GPC5: variants seen among roughly 807,000 people sequenced by gnomAD.
GPC5 encodes the protein glypican 5.
GPC5 carries 47 observed loss-of-function variants against 53.9 expected under a neutral mutation model. The observed-to-expected ratio is 0.87, with a 90% CI of 0.69 to 1.11. GPC5 has a LOEUF of 1.11. GPC5 is among the 50% of genes most tolerant of loss of function. The probability of loss-of-function intolerance (pLI) is 0.00; values close to 1 mark genes in which losing one functional copy is unlikely to be tolerated. For synonymous variants in GPC5, 286 were observed against 263.3 expected (o/e 1.09, Z -0.84); for missense variants, 748 against 713.1 (o/e 1.05, Z -0.56).
intron 2 of GPC5, among the ~76,000 whole-genome samples, chr13:91,476,295 A>G (rs1594137598): frequency 6.6e-6 from 1 of 152,172 alleles, no homozygotes; most frequent in Non-Finnish European, 1.5e-5. Context: ...CAGTTGACCT[A>G]TCTTGTGCTG....
At chr13:92,163,028 T>C (rs569438419) in intron 7 of GPC5, among the ~76,000 whole-genome samples, 4 of 152,212 alleles carry the variant, frequency 2.6e-5, no homozygotes, top group African/African-American at 9.6e-5. Flanking sequence ...TCAAATATAC[T>C]GCATGAAAAA....
At chr13:92,704,163 A>C (rs1270647006) in intron 7 of GPC5, among the ~76,000 whole-genome samples, 2 of 152,194 alleles carry the variant, frequency 1.3e-5, no homozygotes, top group East Asian at 3.9e-4. Flanking sequence ...CAAGAGAACA[A>C]TGCTTTGCTT....
chr13:91,607,405 A>G (rs1158778901), intron 2 of GPC5, among the ~76,000 whole-genome samples: 2 of 152,134 alleles, frequency 1.3e-5, no homozygotes, highest in Non-Finnish European at 2.9e-5. Context: ...ATGCTTTTAC[A>G]CTTGGAGACG....
intron 6 of GPC5, among the ~76,000 whole-genome samples, chr13:92,033,036 C>CGTGTGTGTGTGT (rs60958496): frequency 0.016 from 2,223 of 139,024 alleles, 46 homozygotes; most frequent in African/African-American, 0.038. Flanking sequence ...TAGTTATTGT[C>CGTGTGTGTGTGT]GTGTGTGTGT....
At chr13:92,119,397 T>TTG in intron 6 of GPC5, among the ~76,000 whole-genome samples, 1 of 122,544 alleles carries the variant, frequency 8.2e-6, no homozygotes, top group African/African-American at 3.2e-5. Flanking sequence ...TTAGTTTTTT[T>TTG]TTTTTTTTTT....
chr13:91,618,291 A>G (rs577771272), intron 2 of GPC5, among the ~76,000 whole-genome samples: 2 of 152,270 alleles, frequency 1.3e-5, no homozygotes, highest in East Asian at 1.9e-4. Flanking sequence ...TGAAGGTCAC[A>G]TTAGATTTTC....
intron 7 of GPC5, among the ~76,000 whole-genome samples, chr13:92,630,261 G>A (rs1489508472): frequency 6.6e-6 from 1 of 151,744 alleles, no homozygotes; most frequent in Non-Finnish European, 1.5e-5. Flanking sequence ...TAACAGATGT[G>A]GTAATAATAC....
chr13:91,436,464 C>T (rs1047257603), intron 1 of GPC5, among the ~76,000 whole-genome samples: 1 of 152,094 alleles, frequency 6.6e-6, no homozygotes, highest in Non-Finnish European at 1.5e-5. Flanking sequence ...CATTCAGGAG[C>T]AGGTTGTTCA....
chr13:92,403,349 G>T (rs374235603), intron 7 of GPC5, among the ~76,000 whole-genome samples: 1 of 152,256 alleles, frequency 6.6e-6, no homozygotes, highest in South Asian at 2.1e-4. Flanking sequence ...AGCCATGGCC[G>T]CCAACTGGAA....
At chr13:91,807,857 T>C (rs1854974) in intron 5 of GPC5, among the ~76,000 whole-genome samples, 21,024 of 152,146 alleles carry the variant, frequency 0.14, 1,598 homozygotes, top group African/African-American at 0.19. Flanking sequence ...TTAAATTATC[T>C]TGGAGATGCT....
chr13:92,272,800 C>T (rs1395832823), intron 7 of GPC5, among the ~76,000 whole-genome samples: 1 of 152,098 alleles, frequency 6.6e-6, no homozygotes. Context: ...ATCTGTGAGA[C>T]TTGGAGAAAT....
At chr13:92,013,658 C>T (rs2040681538) in intron 6 of GPC5, among the ~76,000 whole-genome samples, 1 of 152,194 alleles carries the variant, frequency 6.6e-6, no homozygotes, top group South Asian at 2.1e-4. Context: ...CTGCCCCTGT[C>T]TGCCTTAAAT....
chr13:91,925,709 G>C (rs2039760362), intron 6 of GPC5, among the ~76,000 whole-genome samples: 1 of 152,116 alleles, frequency 6.6e-6, no homozygotes, highest in East Asian at 1.9e-4. Context: ...AATTGATTAA[G>C]ACCATACTCG....
intron 3 of GPC5, among the ~76,000 whole-genome samples, chr13:91,710,028 G>T (rs7986797): frequency 6.6e-6 from 1 of 152,034 alleles, no homozygotes; most frequent in African/African-American, 2.4e-5. Flanking sequence ...CATGTTCCAG[G>T]TCTATTAAAG....
intron 7 of GPC5, among the ~76,000 whole-genome samples, chr13:92,769,712 T>G (rs1875538807): frequency 6.6e-6 from 1 of 152,200 alleles, no homozygotes; most frequent in African/African-American, 2.4e-5. Flanking sequence ...AGAGAATGTA[T>G]TTACATTATT....
intron 5 of GPC5, among the ~76,000 whole-genome samples, chr13:91,837,639 T>C (rs1275930462): frequency 6.6e-6 from 1 of 152,214 alleles, no homozygotes; most frequent in Non-Finnish European, 1.5e-5. Flanking sequence ...AAATTTTGTG[T>C]AACTTCTGCT....
chr13:92,019,049 TAAG>T (rs909981263), intron 6 of GPC5, among the ~76,000 whole-genome samples: 5 of 152,004 alleles, frequency 3.3e-5, no homozygotes, highest in African/African-American at 1.2e-4. Context: ...GAAAGAGAAT[TAAG>T]AAACACATTA....
chr13:91,831,293 A>G (rs2038655245), intron 5 of GPC5, among the ~76,000 whole-genome samples: 1 of 151,478 alleles, frequency 6.6e-6, no homozygotes. Context: ...AGGCTAGGAC[A>G]ATCTCTCATT....
intron 6 of GPC5, among the ~76,000 whole-genome samples, chr13:91,972,889 T>C (rs908675996): frequency 1.3e-5 from 2 of 152,210 alleles, no homozygotes; most frequent in African/African-American, 4.8e-5. Flanking sequence ...TCTCTCTGGC[T>C]GCCCTTAACA....
Sources: gnomAD v4.1 joint callset for allele counts (sites outside exome capture counted in the v4.1 genomes callset) on GRCh38, gnomAD v4.1.1 for gene constraint, MANE v1.5 for transcripts, NCBI Gene and HGNC (gene_info 2026-07-23, HGNC 2026-07-21) for gene names.